The following CTNNA2 variants were observed in gnomAD, a reference collection of about 807,000 sequenced individuals.
CTNNA2 encodes the protein catenin alpha-2.
A neutral mutation model predicts 101.0 loss-of-function variants in CTNNA2; 42 were observed. The observed-to-expected ratio is 0.42, with a 90% confidence interval of 0.32 to 0.54. The LOEUF (loss-of-function observed/expected upper bound fraction) is 0.54, where lower values mean the gene tolerates loss of function less well. Among genes scored for constraint, CTNNA2 ranks in the 20% least tolerant of loss-of-function variants. The pLI, the probability that CTNNA2 is intolerant of heterozygous loss-of-function variation, is 0.14. For missense variants in CTNNA2, 871 were observed against 1,223.1 expected, an observed-to-expected ratio of 0.71 and a Z score of 4.29; for synonymous variants, 450 against 456.4, an observed-to-expected ratio of 0.99 and a Z score of 0.18.
At chr2:80,609,538 G>C (rs1395928211) in intron 17 of CTNNA2, among the ~76,000 whole-genome samples, 32 of 151,708 alleles carry the variant, frequency 2.1e-4, no homozygotes, top group Non-Finnish European at 1.5e-5. Flanking sequence ...AGAGCAATCT[G>C]TCTTGCAATG....
chr2:80,069,760 G>A (rs1471459214), intron 7 of CTNNA2, among the ~76,000 whole-genome samples: 1 of 152,174 alleles, frequency 6.6e-6, no homozygotes, highest in Non-Finnish European at 1.5e-5. Context: ...ACTCATGTCA[G>A]TGACAGTCCT....
chr2:80,415,044 G>T (rs998239541), intron 8 of CTNNA2, among the ~76,000 whole-genome samples: 3 of 152,116 alleles, frequency 2.0e-5, no homozygotes, highest in African/African-American at 7.2e-5. Flanking sequence ...AAAATAAAAA[G>T]TCTATTTCCA....
At chr2:80,314,418 C>T (rs539791266) in intron 7 of CTNNA2, among the ~76,000 whole-genome samples, 28 of 152,094 alleles carry the variant, frequency 1.8e-4, no homozygotes, top group African/African-American at 6.0e-4. Flanking sequence ...TAGGATGGGG[C>T]GGAAGAAGTA....
In CTNNA2 at chr2:80,556,864, C is replaced by T. The variant is rs975508977; in HGVS notation, c.1741+971C>T. Among the ~76,000 whole-genome samples the T allele has an allele frequency of 7.2e-5, 11 of 151,940 alleles. 1 individual carries two copies. Among genetic ancestry groups the T allele is most frequent in the Admixed American group, 2.6e-4 (4 of 15,250 alleles). On this transcript the variant is annotated intron_variant, in intron 12 of 18. Transcript: ENST00000402739. ...CTCTCCCCTCAAACCCTAAGGGGGA[C>T]CTTCATAGGTTTGCCTATGAGCTTT... is the stretch of plus-strand genomic sequence containing the variant.
At chr2:79,915,236 C>T (rs993503008) in intron 7 of CTNNA2, among the ~76,000 whole-genome samples, 1 of 151,852 alleles carries the variant, frequency 6.6e-6, no homozygotes, top group Non-Finnish European at 1.5e-5. Flanking sequence ...AAAATAACTG[C>T]TAATAATTTG....
At chr2:80,170,982 G>A (rs1558871582) in intron 7 of CTNNA2, among the ~76,000 whole-genome samples, 2 of 152,104 alleles carry the variant, frequency 1.3e-5, no homozygotes, top group African/African-American at 4.8e-5. Context: ...TTGAGTGCTG[G>A]GAATTCTTGG....
intron 7 of CTNNA2, among the ~76,000 whole-genome samples, chr2:79,934,748 C>T (rs1558654772): frequency 6.6e-6 from 1 of 152,060 alleles, no homozygotes; most frequent in Non-Finnish European, 1.5e-5. Flanking sequence ...CATTTCCCCC[C>T]AAAAAAGACA....
intron 1 of CTNNA2, among the ~76,000 whole-genome samples, chr2:79,649,843 T>C (rs1478332884): frequency 6.6e-6 from 1 of 151,938 alleles, no homozygotes; most frequent in Non-Finnish European, 1.5e-5. Context: ...CTGAAGCAAA[T>C]TGGTTGGGTC....
intron 6 of CTNNA2, among the ~76,000 whole-genome samples, chr2:79,893,879 T>G (rs748330403): frequency 2.6e-5 from 4 of 152,186 alleles, no homozygotes; most frequent in Non-Finnish European, 5.9e-5. Flanking sequence ...TCTCCTGAGC[T>G]CTAGACATCT....
chr2:79,672,630 T>G (rs2104591753), intron 2 of CTNNA2, among the ~76,000 whole-genome samples: 1 of 152,114 alleles, frequency 6.6e-6, no homozygotes, highest in South Asian at 2.1e-4. Context: ...TCAAAAAAAC[T>G]TAGAAAATAA....
At chr2:79,681,161 A>G (rs1178404867) in intron 2 of CTNNA2, among the ~76,000 whole-genome samples, 6 of 152,148 alleles carry the variant, frequency 3.9e-5, no homozygotes, top group African/African-American at 1.4e-4. Flanking sequence ...TCTCACATAC[A>G]CACACAAAAA....
chr2:79,721,673 T>C (rs899139330), intron 2 of CTNNA2, among the ~76,000 whole-genome samples: 6 of 152,222 alleles, frequency 3.9e-5, no homozygotes, highest in Non-Finnish European at 8.8e-5. Flanking sequence ...AAAATCACTT[T>C]CTTTGTAATT....
intron 7 of CTNNA2, among the ~76,000 whole-genome samples, chr2:79,940,924 A>G (rs1188578407): frequency 6.6e-6 from 1 of 152,214 alleles, no homozygotes; most frequent in African/African-American, 2.4e-5. Flanking sequence ...TCACCATCAA[A>G]ATGTTGAAAA....
At chr2:79,650,186 G>T (rs918924976) in intron 1 of CTNNA2, among the ~76,000 whole-genome samples, 1 of 103,796 alleles carries the variant, frequency 9.6e-6, no homozygotes, top group African/African-American at 3.4e-5. Context: ...GGGGGGGGGG[G>T]GAGGGGCTAG....
At chr2:80,121,919 C>A (rs1305793322) in intron 7 of CTNNA2, among the ~76,000 whole-genome samples, 1 of 152,098 alleles carries the variant, frequency 6.6e-6, no homozygotes, top group African/African-American at 2.4e-5. Flanking sequence ...TGAGGGATGA[C>A]AAGAATGAAG....
chr2:79,655,615 A>T (rs922736871), intron 2 of CTNNA2, among the ~76,000 whole-genome samples: 1 of 152,060 alleles, frequency 6.6e-6, no homozygotes, highest in African/African-American at 2.4e-5. Context: ...GATCACTTGA[A>T]GTCAGGAGTT....
intron 7 of CTNNA2, among the ~76,000 whole-genome samples, chr2:79,935,224 GTC>G (rs1687697919): frequency 6.6e-6 from 1 of 152,076 alleles, no homozygotes; most frequent in Non-Finnish European, 1.5e-5. Flanking sequence ...GAACACTATT[GTC>G]TTTGTTTTAT....
intron 7 of CTNNA2, among the ~76,000 whole-genome samples, chr2:80,345,204 G>T (rs1672625735): frequency 8.5e-5 from 13 of 152,088 alleles, no homozygotes; most frequent in Admixed American, 8.5e-4. Context: ...CACATCTGTG[G>T]CCCCCTCCCC....
At chr2:80,388,665 C>T (rs1350952945) in intron 7 of CTNNA2, among the ~76,000 whole-genome samples, 1 of 152,136 alleles carries the variant, frequency 6.6e-6, no homozygotes, top group Non-Finnish European at 1.5e-5. Flanking sequence ...GCTTTTGTTT[C>T]CTTCTGTTCA....
Sources: allele counts gnomAD v4.1 joint callset (sites outside exome capture counted in the v4.1 genomes callset), GRCh38; gene constraint gnomAD v4.1.1; transcripts MANE v1.5; gene names NCBI Gene and HGNC (gene_info 2026-07-23, HGNC 2026-07-21).